Variants in CDC42BPA observed in about 807,000 individuals in gnomAD.
The protein encoded by CDC42BPA is CDC42 binding protein kinase alpha, also known as serine/threonine-protein kinase MRCK alpha.
CDC42BPA carries 80 observed loss-of-function variants against 223.5 expected under a neutral mutation model. That is an observed-to-expected ratio of 0.36 (90% CI 0.30 to 0.43). The LOEUF (loss-of-function observed/expected upper bound fraction) is 0.43, where lower values mean the gene tolerates loss of function less well. CDC42BPA is among the 20% of genes least tolerant of loss of function. CDC42BPA has a pLI of 1.00. For synonymous variants in CDC42BPA, 694 were observed against 718.6 expected (o/e 0.97, Z 0.55); for missense variants, 1,743 against 2,099.9 (o/e 0.83, Z 3.32).
At chr1:227,101,351 C>T (rs1038138780) in intron 14 of CDC42BPA, 112 bp from the exon 15 acceptor site, 32 of 592,938 alleles carry the variant, frequency 5.4e-5, no homozygotes, top group Non-Finnish European at 8.3e-5. Context: ...TTTGTACATC[C>T]TAACAAAAAT....
intron 3 of CDC42BPA, among the ~76,000 whole-genome samples, chr1:227,204,364 G>A (rs567899885): frequency 6.6e-6 from 1 of 152,246 alleles, no homozygotes; most frequent in South Asian, 2.1e-4. Flanking sequence ...ACTGCCAAGT[G>A]TGTGAGAAAA....
intron 5 of CDC42BPA, 82 bp downstream of exon 5, chr1:227,193,704 A>G: frequency 8.9e-7 from 1 of 1,120,072 alleles, no homozygotes; most frequent in Non-Finnish European, 1.2e-6. Flanking sequence ...GACCATAATT[A>G]ATAAATCTGG....
At chr1:227,249,672 A>G (rs1681614026) in intron 2 of CDC42BPA, among the ~76,000 whole-genome samples, 2 of 152,240 alleles carry the variant, frequency 1.3e-5, no homozygotes, top group Non-Finnish European at 2.9e-5. Context: ...AAGACATACG[A>G]ATGGCAAACA....
chr1:227,282,286 G>A (rs1411024533), intron 1 of CDC42BPA, among the ~76,000 whole-genome samples: 4 of 151,814 alleles, frequency 2.6e-5, no homozygotes, highest in Admixed American at 2.6e-4. Context: ...TGAGAACAGA[G>A]ATTACCTAAA....
intron 5 of CDC42BPA, chr1:227,183,514 G>A (rs1668284887): frequency 6.6e-6 from 1 of 152,160 alleles, no homozygotes; most frequent in African/African-American, 2.4e-5. Flanking sequence ...CCGGGTTATT[G>A]TATATATCAG....
At chr1:227,063,130 G>C (rs976787184) in intron 21 of CDC42BPA, among the ~76,000 whole-genome samples, 1 of 151,962 alleles carries the variant, frequency 6.6e-6, no homozygotes, top group Admixed American at 6.6e-5. Flanking sequence ...CTATTTTTAT[G>C]TTTTCAACAG....
chr1:227,153,572 C>T (rs1662179441), intron 6 of CDC42BPA, among the ~76,000 whole-genome samples: 1 of 151,668 alleles, frequency 6.6e-6, no homozygotes, highest in African/African-American at 2.4e-5. Flanking sequence ...GACACTGTAA[C>T]AAAGATGTTA....
At chr1:227,276,337 G>A (rs1196947826) in intron 1 of CDC42BPA, among the ~76,000 whole-genome samples, 10 of 144,940 alleles carry the variant, frequency 6.9e-5, no homozygotes, top group African/African-American at 1.6e-4. Context: ...GGTGAGGAGC[G>A]TCTCTGCCCG....
intron 5 of CDC42BPA, among the ~76,000 whole-genome samples, chr1:227,176,414 AAC>A (rs890484660): frequency 5.9e-5 from 9 of 152,196 alleles, no homozygotes; most frequent in African/African-American, 9.7e-5. Context: ...TCACGTTATA[AAC>A]ACAACAATGT....
intron 27 of CDC42BPA, 111 bp downstream of exon 27, chr1:227,033,223 G>A: frequency 7.7e-6 from 5 of 652,374 alleles, no homozygotes; most frequent in Non-Finnish European, 1.1e-5. Context: ...ATATATAAAA[G>A]AATATAAGAT....
intron 1 of CDC42BPA, among the ~76,000 whole-genome samples, chr1:227,283,952 G>A (rs1458544226): frequency 6.6e-6 from 1 of 152,184 alleles, no homozygotes; most frequent in African/African-American, 2.4e-5. Flanking sequence ...CAGCACTCGG[G>A]AGGCTGGGGC....
chr1:227,286,033 C>T (rs576407633), intron 1 of CDC42BPA, among the ~76,000 whole-genome samples: 1 of 152,320 alleles, frequency 6.6e-6, no homozygotes, highest in South Asian at 2.1e-4. Flanking sequence ...GAAATGCCTT[C>T]AGGGCCTTTT....
At chr1:227,257,593 T>C (rs778318425) in intron 1 of CDC42BPA, among the ~76,000 whole-genome samples, 8 of 150,182 alleles carry the variant, frequency 5.3e-5, no homozygotes, top group Non-Finnish European at 1.0e-4. Flanking sequence ...CTACCAAAAA[T>C]ACAAAAATTA....
chr1:227,174,380 A>G (rs115449540), intron 5 of CDC42BPA, among the ~76,000 whole-genome samples: 1,549 of 152,286 alleles, frequency 0.01, 17 homozygotes, highest in South Asian at 0.02. Context: ...ACACATTCCA[A>G]GAGGATAACT....
chr1:227,193,429 G>T (rs989636327), intron 5 of CDC42BPA, among the ~76,000 whole-genome samples: 2 of 151,806 alleles, frequency 1.3e-5, no homozygotes, highest in Non-Finnish European at 2.9e-5. Context: ...TTGTGTGGTT[G>T]TGAGTTATGC....
intron 5 of CDC42BPA, among the ~76,000 whole-genome samples, chr1:227,179,503 G>A (rs1339616391): frequency 6.6e-6 from 1 of 151,648 alleles, no homozygotes; most frequent in Non-Finnish European, 1.5e-5. Flanking sequence ...GGGCGTGGTG[G>A]TGGGCACCTG....
chr1:227,155,104 G>T (rs1202881100), intron 6 of CDC42BPA, among the ~76,000 whole-genome samples: 2 of 152,078 alleles, frequency 1.3e-5, no homozygotes, highest in African/African-American at 4.8e-5. Context: ...GTAGATTTGA[G>T]GCAGCTGTCC....
At chr1:227,135,837 G>T (rs1658394209) in intron 10 of CDC42BPA, among the ~76,000 whole-genome samples, 1 of 103,520 alleles carries the variant, frequency 9.7e-6, no homozygotes, top group African/African-American at 3.8e-5. Context: ...CTGGGCGACA[G>T]AGCGAGACTC....
intron 2 of CDC42BPA, among the ~76,000 whole-genome samples, chr1:227,222,050 A>T (rs1675987580): frequency 1.2e-5 from 1 of 80,562 alleles, no homozygotes; most frequent in African/African-American, 5.1e-5. Flanking sequence ...CCCTATCTCT[A>T]CCAAAAAAAA....
Sources: gnomAD v4.1 joint callset for allele counts (sites outside exome capture counted in the v4.1 genomes callset) on GRCh38, gnomAD v4.1.1 for gene constraint, MANE v1.5 for transcripts, NCBI Gene and HGNC (gene_info 2026-07-23, HGNC 2026-07-21) for gene names.